INF2: variants seen among roughly 807,000 people sequenced by gnomAD.
The protein encoded by INF2 is inverted formin-2.
INF2 carries 43 observed loss-of-function variants against 123.5 expected under a neutral mutation model. The observed-to-expected ratio is 0.35, with a 90% CI of 0.27 to 0.45. The LOEUF is 0.45. INF2 is among the 20% of genes least tolerant of loss of function. The probability of loss-of-function intolerance (pLI) is 1.00; values close to 1 mark genes in which losing one functional copy is unlikely to be tolerated. For missense variants in INF2, 1,453 were observed against 1,682.7 expected (o/e 0.86, Z 2.39); for synonymous variants, 851 against 745.0 (o/e 1.14, Z -2.32).
At chr14:104,711,278 C>A in intron 15 of INF2, 92 bp downstream of exon 15, 1 of 1,104,710 alleles carries the variant, frequency 9.1e-7, no homozygotes, top group Non-Finnish European at 1.3e-6. Flanking sequence ...CCATGCCCAC[C>A]ACTCAGGCCG....
upstream of INF2, among the ~76,000 whole-genome samples, chr14:104,688,638 G>A (rs1888764083): frequency 1.3e-5 from 2 of 152,228 alleles, no homozygotes; most frequent in South Asian, 2.1e-4. Context: ...GCCTGAGGCC[G>A]CACAGGGAGT....
chr14:104,693,822 G>A (rs1463424350), intron 1 of INF2, among the ~76,000 whole-genome samples: 5 of 152,222 alleles, frequency 3.3e-5, no homozygotes, highest in Admixed American at 3.3e-4. Flanking sequence ...CATGGCCTCG[G>A]TGTACAGCCT....
chr14:104,693,949 C>G (rs1889070198), intron 1 of INF2, among the ~76,000 whole-genome samples: 1 of 152,230 alleles, frequency 6.6e-6, no homozygotes, highest in South Asian at 2.1e-4. Flanking sequence ...GAGGGAGTAG[C>G]CACCTGTCCC....
In INF2 at chr14:104,703,508, C is replaced by A. The variant is rs1455230206; in HGVS notation, c.667+54C>A. On this transcript the variant is annotated intron_variant, in intron 4 of 22. Coordinates refer to ENST00000392634, the MANE Select transcript of INF2 (RefSeq NM_022489.4). ...GCTCCTGCCCGCCTCTTGGCCAGTG[C>A]ATCCCATGCTGCATCCACCTGGGGA... 9.4e-6 allele frequency: 15 copies of A among 1,596,628 alleles called. No individual in the cohort carries two copies. The East Asian group carries it at 3.3e-4, about 36-fold the overall frequency.
Position 104,714,536 on chromosome 14 carries a change from G to A in INF2, c.3374G>A (p.Gly1125Glu). The A allele has an allele frequency of 1.9e-6, 3 of 1,612,780 alleles. No individual in the cohort carries two copies. Among genetic ancestry groups the A allele is most frequent in the Non-Finnish European group, 2.5e-6 (3 of 1,179,882 alleles). The stretch of plus-strand genomic sequence containing the variant: ...TCCAGCAACCAGCCCCCTGCAGCCG[G>A]AAGTTCAAGGCAAGATGCCAAGGAT... ...KFSSNQPPAAGSSRQDAKDPT... is the reference protein window; with the variant it reads ...KFSSNQPPAAESSRQDAKDPT... Residue 1125 changes from glycine (G) to glutamate (E), a missense_variant, in exon 21 of 23, where the codon GGA becomes GAA. Transcript: ENST00000392634.
At chr14:104,710,620 C>T in intron 13 of INF2, 1 of 525,888 alleles carries the variant, frequency 1.9e-6, no homozygotes, top group Non-Finnish European at 3.4e-6. Context: ...CATGTACAGA[C>T]ATAAGTGCAC....
rs367887441 is a variant in INF2, at chr14:104,709,550, C to A, written c.2053-70C>A. The A allele has an allele frequency of 5.9e-5, 86 of 1,456,484 alleles. No individual in the cohort carries two copies. The African/African-American group carries it at 9.6e-4, about 16-fold the overall frequency. The allele number at this position is 1,456,484 out of a possible 1,614,324, so 90.2% of individuals were successfully genotyped here. A position where few individuals can be genotyped will look rare whatever the true frequency, so the allele number is the denominator to read the frequency against. On this transcript the variant is annotated intron_variant, in intron 11 of 22. Transcript: ENST00000392634. Reference sequence around the variant, plus strand: ...CATGATGGGCACTGGAGGGGCTGAGCCCGGCGGGCAGTCCGGGAGGGCGGG... The same window carrying A: ...CATGATGGGCACTGGAGGGGCTGAGACCGGCGGGCAGTCCGGGAGGGCGGG...
intron 1 of INF2, among the ~76,000 whole-genome samples, chr14:104,697,512 C>A (rs974021184): frequency 1.3e-5 from 2 of 152,258 alleles, no homozygotes; most frequent in African/African-American, 4.8e-5. Context: ...CTAGTGAAGG[C>A]CAGCATGGCC....
In INF2 at chr14:104,684,260, G is replaced by A. The variant is rs982491157; in HGVS notation, c.-104+2678G>A. ...AGGGACAGCTCGAGGGCTCACTGGA[G>A]GTCAGCAGGGAGGTGGACTGCGTCT... On this transcript the variant is annotated intron_variant, in intron 1 of 2. Transcript: ENST00000674723. This position sits in a 1 kb window ranked among gnomAD's most constrained non-coding sequence, Gnocchi z 5.0. The A allele has an allele frequency of 7.1e-5, 29 of 407,966 alleles. No homozygotes were observed. Among genetic ancestry groups the A allele is most frequent in the African/African-American group, 5.5e-4 (27 of 48,852 alleles). The allele number at this position is 407,966 out of a possible 1,614,324, so 25.3% of individuals were successfully genotyped here. A position where few individuals can be genotyped will look rare whatever the true frequency, so the allele number is the denominator to read the frequency against.
At chr14:104,708,177 G>GAGC in intron 8 of INF2, 175 bp downstream of exon 8, 1 of 1,088,240 alleles carries the variant, frequency 9.2e-7, no homozygotes, top group South Asian at 1.5e-5. Context: ...GACGGGGGAG[G>GAGC]AGCAGGGCAG....
At chr14:104,698,716 C>G (rs1377856088) in intron 1 of INF2, among the ~76,000 whole-genome samples, 1 of 152,210 alleles carries the variant, frequency 6.6e-6, no homozygotes, top group Non-Finnish European at 1.5e-5. Flanking sequence ...GGAACATTCT[C>G]CGGTGTAGAG....
chr14:104,710,211 C>T (rs1309237481), intron 13 of INF2, 23 bp downstream of exon 13: 7 of 1,516,900 alleles, frequency 4.6e-6, no homozygotes, highest in African/African-American at 2.8e-5. Context: ...AAGCGGGGCA[C>T]GTGTGCAGGA....
chr14:104,691,276 A>C (rs1324125958), intron 1 of INF2: 1 of 152,248 alleles, frequency 6.6e-6, no homozygotes, highest in East Asian at 1.9e-4. Flanking sequence ...TGGAAAAGTT[A>C]TGCGGTTCAT....
chr14:104,715,106 G>A (rs746910556), intron 21 of INF2, among the ~76,000 whole-genome samples, 178 bp from the exon 22 acceptor site: 5 of 152,208 alleles, frequency 3.3e-5, no homozygotes, highest in African/African-American at 4.8e-5. Context: ...AGTAGGGGGC[G>A]GACACCGGGC....
intron 16 of INF2, 47 bp from the exon 17 acceptor site, chr14:104,712,386 C>G: frequency 6.2e-7 from 1 of 1,609,762 alleles, no homozygotes; most frequent in Non-Finnish European, 8.5e-7. Flanking sequence ...CCCAGCGAGG[C>G]TGACGTCAGC....
chr14:104,693,067 G>T (rs1889028459), intron 1 of INF2, among the ~76,000 whole-genome samples: 2 of 152,250 alleles, frequency 1.3e-5, no homozygotes, highest in Non-Finnish European at 2.9e-5. Context: ...GGCACCACTG[G>T]AGGCCTGGCC....
chr14:104,708,512 A>T lies in INF2; in HGVS notation c.1812A>T (p.Arg604=), dbSNP rs758465730. ...AGCCCGACTTCTCCAGCATCGAGCG[A>T]CTATTCTCCTTCCCTGCAGCCAAGC... is the stretch of plus-strand genomic sequence containing the variant. ...AVEPDFSSIE[R]LFSFPAAKPK... Residue 604 remains arginine, a synonymous_variant, in exon 9 of 23, where the codon CGA becomes CGT. Transcript: ENST00000392634. The T allele has an allele frequency of 9.9e-6, 16 of 1,612,254 alleles. No individual in the cohort carries two copies. The Middle Eastern group carries it at 8.2e-4, about 83-fold the overall frequency.
chr14:104,703,501 G>A, intron 4 of INF2, 47 bp downstream of exon 4: 1 of 1,602,032 alleles, frequency 6.2e-7, no homozygotes, highest in Non-Finnish European at 8.5e-7. Context: ...CCGCCTCTTG[G>A]CCAGTGCATC....
rs2140696305 is a variant in INF2, at chr14:104,713,505, T to C, written c.2939T>C (p.Ile980Thr). ...GTCATCGATGCCCTGCTGGCTGACA[T>C]CAGGAAGGGCTTCCAGCTGCGGAAG... is the stretch of plus-strand genomic sequence containing the variant. Reference protein sequence around the residue: ...VCVIDALLADIRKGFQLRKTA... With the variant: ...VCVIDALLADTRKGFQLRKTA... The change falls in exon 20 of 23, where the codon ATC becomes ACC. Residue 980 changes from isoleucine (I) to threonine (T), a missense_variant. By Grantham distance (89) the Ile-to-Thr change is moderately conservative. Around this residue, in one of 8 missense-constraint regions of INF2, gnomAD observed 212 missense variants for 266.2 expected, o/e 0.80. Transcript: ENST00000392634. 1 of 1,611,564 alleles carries C rather than the reference T, an allele frequency of 6.2e-7. No individual in the cohort carries two copies. The highest frequency in any genetic ancestry group is 2.2e-5 in the East Asian group (1 of 44,820).
Sources: allele counts gnomAD v4.1 joint callset (sites outside exome capture counted in the v4.1 genomes callset), GRCh38; gene constraint gnomAD v4.1.1; regional missense constraint gnomAD v4.1.1; non-coding constraint Gnocchi (gnomAD v3.1); transcripts MANE v1.5; gene names NCBI Gene and HGNC (gene_info 2026-07-23, HGNC 2026-07-21).